The following COL12A1 variants were observed in gnomAD, a reference collection of about 807,000 sequenced individuals.
The protein encoded by COL12A1 is collagen type XII alpha 1 chain, also known as collagen alpha-1(XII) chain.
A neutral mutation model predicts 349.7 loss-of-function variants in COL12A1; 114 were observed. That is an observed-to-expected ratio of 0.33 (90% CI 0.28 to 0.38). The LOEUF (loss-of-function observed/expected upper bound fraction) is 0.38. Among genes scored for constraint, COL12A1 ranks in the 10% least tolerant of loss-of-function variants. The pLI is 1.00. For missense variants in COL12A1, 3,284 were observed against 3,756.9 expected, an observed-to-expected ratio of 0.87 and a Z score of 3.29; for synonymous variants, 1,369 against 1,329.0, an observed-to-expected ratio of 1.03 and a Z score of -0.66.
At chr6:75,180,816 G>T in intron 11 of COL12A1, 123 bp downstream of exon 11, 1 of 1,185,700 alleles carries the variant, frequency 8.4e-7, no homozygotes. Flanking sequence ...TTTTAAAGAT[G>T]CCAAATCTTA....
At chr6:75,145,955 G>A (rs1767164970) in intron 24 of COL12A1, 147 bp downstream of exon 24, 2 of 844,302 alleles carry the variant, frequency 2.4e-6, no homozygotes, top group Non-Finnish European at 3.4e-6. Context: ...TTTCTACAAT[G>A]TGTTGCAGAC....
chr6:75,182,957 TAAG>T (rs1769392656), intron 10 of COL12A1, 90 bp downstream of exon 10: 6 of 1,436,046 alleles, frequency 4.2e-6, no homozygotes, highest in East Asian at 4.6e-5. Context: ...TTCGTGTCTA[TAAG>T]AAGAATTGAA....
chr6:75,138,968 T>A lies in COL12A1; in HGVS notation c.4958-7A>T. On this transcript the variant is annotated splice_polypyrimidine_tract_variant and splice_region_variant and intron_variant, in intron 27 of 65. Transcript: ENST00000322507. ...GTTGGGGCTGGCACGGGTCCTATCA[T>A]GAGAAAAGGCAAGCAGACTAAGTTT... 6.2e-7 allele frequency: 1 copy of A among 1,612,862 alleles called. No individual in the cohort carries two copies. Among genetic ancestry groups the A allele is most frequent in the Non-Finnish European group, 8.5e-7 (1 of 1,179,612 alleles).
rs1180975046 is a variant in COL12A1 at position 75,134,067 on chromosome 6, G to A, written c.5525-70C>T. 2.1e-5 allele frequency: 32 copies of A among 1,524,380 alleles called. No homozygotes were observed. In the Admixed American group the frequency reaches 5.7e-4, roughly 27 times the overall value. 94.4% of individuals were successfully genotyped at this position (1,524,380 alleles called of 1,614,324 possible). A position where few individuals can be genotyped will look rare whatever the true frequency, so the allele number is the denominator to read the frequency against. ...AGCACACATGAAACACAGATTCACT[G>A]ATATCTCCCAGGCACCCTAGAACAT... On this transcript the variant is annotated intron_variant, in intron 32 of 65. Coordinates refer to ENST00000322507, the MANE Select transcript of COL12A1 (RefSeq NM_004370.6).
rs781121992 is a variant in COL12A1 at position 75,189,329 on chromosome 6, T to C, written c.711A>G (p.Ala237=). The C allele has an allele frequency of 6.2e-7, 1 of 1,613,122 alleles. No homozygotes were observed. Among genetic ancestry groups the C allele is most frequent in the Non-Finnish European group, 8.5e-7 (1 of 1,179,470 alleles). Residue 237 remains alanine, a synonymous_variant, in exon 7 of 66, where the codon GCA becomes GCG. Transcript: ENST00000322507. ...TTGCCACTTTAGGAAAGCCAACTCT[T>C]GCCCCAGCAGATTCCGTGAAAGTAT... is the stretch of plus-strand genomic sequence containing the variant. ...VKNTFTESAG[A]RVGFPKVAII...
chr6:75,154,225 TA>T (rs1003169825), intron 17 of COL12A1, among the ~76,000 whole-genome samples, 190 bp downstream of exon 17: 3 of 152,054 alleles, frequency 2.0e-5, no homozygotes, highest in Non-Finnish European at 4.4e-5. Flanking sequence ...AAAAGAAGTA[TA>T]AAAAAATACT....
intron 1 of COL12A1, among the ~76,000 whole-genome samples, chr6:75,203,170 T>G (rs1324125785): frequency 6.8e-6 from 1 of 146,038 alleles, no homozygotes; most frequent in Admixed American, 7.0e-5. Flanking sequence ...CTCACTCAAC[T>G]AAATATCTCT....
chr6:75,124,135 A>C, intron 41 of COL12A1, 41 bp from the exon 42 acceptor site: 1 of 1,597,716 alleles, frequency 6.3e-7, no homozygotes. Context: ...GTCATCACCA[A>C]TTATATTTCA....
At position 75,133,972 on chromosome 6, in the gene COL12A1, C is replaced by T. The variant is rs573432103; in HGVS notation, c.5550G>A (p.Leu1850=). The T allele has an allele frequency of 1.9e-6, 3 of 1,613,956 alleles. No individual in the cohort carries two copies. The highest frequency in any genetic ancestry group is 2.5e-6 in the Non-Finnish European group (3 of 1,179,926). ...KTKPLNTVRN[L]RVYDPSTSTL... Reference sequence around the variant, plus strand: ...TGCTGGTAGAAGGGTCATACACTCTCAGGTTCCTTACAGTGTTTAGAGGTT... The same window carrying T: ...TGCTGGTAGAAGGGTCATACACTCTTAGGTTCCTTACAGTGTTTAGAGGTT... The change falls in exon 33 of 66, where the codon CTG becomes CTA. Residue 1850 remains leucine (L), a synonymous_variant. Transcript: ENST00000322507.
chr6:75,172,945 T>G (rs1347107315), intron 13 of COL12A1, among the ~76,000 whole-genome samples: 1 of 152,204 alleles, frequency 6.6e-6, no homozygotes, highest in Non-Finnish European at 1.5e-5. Context: ...GACTTGAGTA[T>G]AAGAGGACTT....
chr6:75,149,804 T>C (rs1382312246), intron 21 of COL12A1, among the ~76,000 whole-genome samples: 3 of 152,172 alleles, frequency 2.0e-5, no homozygotes, highest in East Asian at 3.9e-4. Context: ...TCTGGGAAAC[T>C]AGAATGAATG....
intron 56 of COL12A1, 96 bp from the exon 57 acceptor site, chr6:75,102,148 T>A (rs893615019): frequency 1.6e-6 from 2 of 1,219,724 alleles, no homozygotes; most frequent in Middle Eastern, 1.9e-4. Context: ...CATCACTTCA[T>A]AAATCCAGTG....
chr6:75,141,941 G>T, intron 27 of COL12A1, 91 bp downstream of exon 27: 1 of 1,476,466 alleles, frequency 6.8e-7, no homozygotes, highest in Non-Finnish European at 9.3e-7. Flanking sequence ...GGCAAAGGTA[G>T]CATTAAGAAA....
chr6:75,131,097 G>A (rs374472945), intron 35 of COL12A1, 116 bp from the exon 36 acceptor site: 14 of 1,326,960 alleles, frequency 1.1e-5, no homozygotes, highest in Non-Finnish European at 1.5e-5. Context: ...CACATCAGAA[G>A]CCAACTGTGC....
At chr6:75,180,884 G>A (rs1404479537) in intron 11 of COL12A1, 55 bp downstream of exon 11, 1 of 1,563,996 alleles carries the variant, frequency 6.4e-7, no homozygotes, top group South Asian at 1.2e-5. Context: ...CTGTAACTTT[G>A]TAGTGCAATA....
rs146714320 is a variant in COL12A1, at chr6:75,101,345, T to G, written c.8523+255A>C. On this transcript the variant is annotated intron_variant, in intron 58 of 65. Coordinates refer to ENST00000322507, the MANE Select transcript of COL12A1 (RefSeq NM_004370.6). ...TAAAATTCCTTTTCTGGACTTCTTTTTATGAATATGATATGGTAAGAAATT... is the reference window on the plus strand; with the variant it reads ...TAAAATTCCTTTTCTGGACTTCTTTGTATGAATATGATATGGTAAGAAATT... 5.8e-3 allele frequency among the ~76,000 whole-genome samples: 890 copies of G among 152,346 alleles called. 2 individuals carry two copies. The highest frequency in any genetic ancestry group is 0.014 in the Middle Eastern group (4 of 294).
In COL12A1 at chr6:75,130,114, C is replaced by T. The variant is rs1385786827; in HGVS notation, c.6187G>A (p.Val2063Ile). The T allele has an allele frequency of 1.4e-5, 23 of 1,613,728 alleles. No homozygotes were observed. Among genetic ancestry groups the T allele is most frequent in the Non-Finnish European group, 1.9e-5 (23 of 1,179,918 alleles). Residue 2063 changes from valine to isoleucine, a missense_variant, in exon 37 of 66, where the codon GTT becomes ATT. This residue lies in a region of COL12A1 where 2,601 missense variants were observed against 2,824.8 expected (regional missense o/e 0.92). Coordinates refer to ENST00000322507, the MANE Select transcript of COL12A1 (RefSeq NM_004370.6). ...ACATATTCATCAATTGGATCACCAA[C>T]AGTGGGAGAATAGATGATCCTGTAC... ...QQYRIIYSPT[V>I]GDPIDEYTTV...
At chr6:75,169,235 C>A (rs920167659) in intron 13 of COL12A1, among the ~76,000 whole-genome samples, 1 of 152,166 alleles carries the variant, frequency 6.6e-6, no homozygotes, top group African/African-American at 2.4e-5. Context: ...ACATCAGTAA[C>A]TACAGGAAGA....
At chr6:75,132,921 T>C (rs949156608) in intron 34 of COL12A1, among the ~76,000 whole-genome samples, 2 of 152,176 alleles carry the variant, frequency 1.3e-5, no homozygotes, top group Non-Finnish European at 2.9e-5. Context: ...TGAAATTAAG[T>C]AATGTGCCGA....
Sources: gnomAD v4.1 joint callset for allele counts (sites outside exome capture counted in the v4.1 genomes callset) on GRCh38, gnomAD v4.1.1 for gene constraint, gnomAD v4.1.1 regional missense constraint, MANE v1.5 for transcripts, NCBI Gene and HGNC (gene_info 2026-07-23, HGNC 2026-07-21) for gene names.